LDAH: variants seen among roughly 807,000 people sequenced by gnomAD.
LDAH encodes lipid droplet associated hydrolase.
Under a neutral mutation model 29.6 loss-of-function variants are expected in LDAH, and 26 were observed. That is an observed-to-expected ratio of 0.88 (90% confidence interval 0.64 to 1.22). LDAH has a LOEUF of 1.22. Ranked by LOEUF, LDAH falls within the 50% of genes most tolerant of loss-of-function variation. The pLI is 0.00. For missense variants in LDAH, 344 were observed against 387.3 expected (o/e 0.89, Z 0.94); for synonymous variants, 117 against 133.0 (o/e 0.88, Z 0.83).
At chr2:20,716,299 T>C (rs2149387115) in intron 5 of LDAH, among the ~76,000 whole-genome samples, 1 of 152,192 alleles carries the variant, frequency 6.6e-6, no homozygotes, top group Non-Finnish European at 1.5e-5. Context: ...GCAGCACTGT[T>C]CACAATAGCA....
intron 5 of LDAH, among the ~76,000 whole-genome samples, chr2:20,705,134 A>G (rs1664212192): frequency 6.6e-6 from 1 of 152,196 alleles, no homozygotes; most frequent in Non-Finnish European, 1.5e-5. Context: ...TTACATGTCT[A>G]ATTTTTGTTT....
intron 6 of LDAH, among the ~76,000 whole-genome samples, chr2:20,697,917 C>T (rs532692899): frequency 5.3e-4 from 80 of 152,132 alleles, no homozygotes; most frequent in Non-Finnish European, 7.9e-4. Context: ...TTTTAAATCA[C>T]ACTAACTTGC....
intron 1 of LDAH, among the ~76,000 whole-genome samples, chr2:20,805,547 G>A (rs537275625): frequency 1.3e-5 from 2 of 152,210 alleles, no homozygotes; most frequent in South Asian, 4.1e-4. Context: ...AAGGATAATG[G>A]CACGCCTTCA....
rs775521477 is a variant in LDAH at position 20,790,370 on chromosome 2, CACATAAAAGGCAGAAAA to C, written c.166_182del (p.Phe56AlafsTer46). 3 of 1,613,440 alleles carry C rather than the reference CACATAAAAGGCAGAAAA, an allele frequency of 1.9e-6. No homozygotes were observed. Among genetic ancestry groups the C allele is most frequent in the Non-Finnish European group, 2.5e-6 (3 of 1,179,810 alleles). On this transcript the variant is annotated frameshift_variant, in exon 3 of 7. Coordinates refer to ENST00000237822, the MANE Select transcript of LDAH (RefSeq NM_021925.4). LOFTEE classifies it high-confidence loss of function. ...AAGAGTATAAAGCCTTTGCAAATGG[CACATAAAAGGCAGAAAA>C]ACCTGGGTTACCTAAGAAAAGAAAC...
At chr2:20,682,712 C>T (rs984262424), downstream of LDAH, among the ~76,000 whole-genome samples, 5 of 152,220 alleles carry the variant, frequency 3.3e-5, no homozygotes, top group African/African-American at 1.2e-4. Context: ...ATGACTCAGA[C>T]ACTTCCTGTT....
At chr2:20,712,245 G>C (rs750544760) in intron 5 of LDAH, among the ~76,000 whole-genome samples, 1 of 152,150 alleles carries the variant, frequency 6.6e-6, no homozygotes, top group African/African-American at 2.4e-5. Flanking sequence ...AGGCAAGCAG[G>C]GTCTGGAGTG....
At chr2:20,783,481 T>C (rs1002837688) in intron 3 of LDAH, among the ~76,000 whole-genome samples, 2 of 152,192 alleles carry the variant, frequency 1.3e-5, no homozygotes, top group Non-Finnish European at 2.9e-5. Context: ...GTTAGGTACA[T>C]ATTTGTTAAG....
chr2:20,707,203 T>C (rs1664370909), intron 5 of LDAH, among the ~76,000 whole-genome samples: 1 of 152,198 alleles, frequency 6.6e-6, no homozygotes, highest in African/African-American at 2.4e-5. Context: ...ACTACTCCTA[T>C]AGCTCAAAGC....
chr2:20,800,689 G>A (rs769426710), intron 2 of LDAH, among the ~76,000 whole-genome samples: 51 of 151,738 alleles, frequency 3.4e-4, no homozygotes, highest in Non-Finnish European at 5.0e-4. Flanking sequence ...GCTGGAGTAC[G>A]GTGGTGTGAT....
At chr2:20,705,325 T>A (rs1664226309) in intron 5 of LDAH, among the ~76,000 whole-genome samples, 1 of 152,218 alleles carries the variant, frequency 6.6e-6, no homozygotes, top group Non-Finnish European at 1.5e-5. Context: ...AACTCAGCTG[T>A]CTTAGCTCTA....
chr2:20,754,447 T>C (rs1050327468), intron 4 of LDAH, among the ~76,000 whole-genome samples: 1 of 135,754 alleles, frequency 7.4e-6, no homozygotes, highest in Non-Finnish European at 1.5e-5. Context: ...GCTGAGATCA[T>C]GCTACTGCAC....
rs1410481005 is a variant in LDAH, at chr2:20,685,621, T to A, written c.*1282A>T. The A allele has an allele frequency of 1.3e-6, 2 of 1,550,456 alleles. No homozygotes were observed. Among genetic ancestry groups the A allele is most frequent in the Admixed American group, 3.9e-5 (2 of 50,996 alleles). ...GGATTTGAGCGGAGGGACATCTCATTGTCCTTAGGGAATGATAATGCCATG... is the reference window on the plus strand; with the variant it reads ...GGATTTGAGCGGAGGGACATCTCATAGTCCTTAGGGAATGATAATGCCATG... On this transcript the variant is annotated 3_prime_UTR_variant, in exon 7 of 7. Transcript: ENST00000237822.
intron 5 of LDAH, among the ~76,000 whole-genome samples, chr2:20,708,927 T>C (rs1280102908): frequency 6.6e-6 from 1 of 152,128 alleles, no homozygotes; most frequent in Non-Finnish European, 1.5e-5. Flanking sequence ...CTGATAAAGA[T>C]CTCTAGCCAT....
At chr2:20,795,884 T>G (rs1199865863) in intron 2 of LDAH, among the ~76,000 whole-genome samples, 1 of 151,680 alleles carries the variant, frequency 6.6e-6, no homozygotes, top group African/African-American at 2.4e-5. Flanking sequence ...TTCACAATCC[T>G]TGAAATACTG....
intron 4 of LDAH, among the ~76,000 whole-genome samples, chr2:20,771,155 C>CT (rs1441039732): frequency 1.3e-5 from 2 of 151,944 alleles, no homozygotes; most frequent in African/African-American, 2.4e-5. Context: ...AAAGGGGCAA[C>CT]TTTTTTTTAG....
intron 1 of LDAH, among the ~76,000 whole-genome samples, chr2:20,810,503 TAGA>T (rs1372810479): frequency 2.6e-5 from 4 of 152,206 alleles, no homozygotes; most frequent in Admixed American, 1.3e-4. Flanking sequence ...GAGGGGTCAG[TAGA>T]AGAAGTGTCA....
chr2:20,757,323 A>G (rs1668405338), intron 4 of LDAH, among the ~76,000 whole-genome samples: 1 of 152,190 alleles, frequency 6.6e-6, no homozygotes, highest in Non-Finnish European at 1.5e-5. Flanking sequence ...AGTGGAAACT[A>G]TTAAAGGACT....
chr2:20,777,690 G>A (rs994831035), intron 3 of LDAH, among the ~76,000 whole-genome samples: 1 of 152,032 alleles, frequency 6.6e-6, no homozygotes, highest in Non-Finnish European at 1.5e-5. Context: ...GATTACAGGC[G>A]TAAACCACCA....
At chr2:20,690,635 C>T (rs752748856) in intron 6 of LDAH, among the ~76,000 whole-genome samples, 13 of 151,996 alleles carry the variant, frequency 8.6e-5, no homozygotes, top group African/African-American at 1.5e-4. Context: ...CGGAGAACTC[C>T]GCACCTGCAG....
Sources: gnomAD v4.1 joint callset for allele counts (sites outside exome capture counted in the v4.1 genomes callset) on GRCh38, gnomAD v4.1.1 for gene constraint, MANE v1.5 for transcripts, NCBI Gene and HGNC (gene_info 2026-07-23, HGNC 2026-07-21) for gene names.